Variants in CCDC134 observed in about 807,000 individuals in gnomAD.
The protein encoded by CCDC134 is coiled-coil domain containing 134.
A neutral mutation model predicts 25.6 loss-of-function variants in CCDC134; 27 were observed. The observed-to-expected ratio is 1.05, with a 90% CI of 0.78 to 1.45. The LOEUF (loss-of-function observed/expected upper bound fraction) is 1.45, where lower values mean the gene tolerates loss of function less well. CCDC134 is among the 40% of genes most tolerant of loss of function. The pLI is 0.00. For synonymous variants in CCDC134, 110 were observed against 115.0 expected (o/e 0.96, Z 0.28); for missense variants, 261 against 286.7 (o/e 0.91, Z 0.65).
chr22:41,831,997 GAA>G lies in CCDC134; in HGVS notation c.*6175_*6176del, dbSNP rs2076714644. 1 of 152,306 alleles carries G rather than the reference GAA, an allele frequency of 6.6e-6. No individual in the cohort carries two copies. The highest frequency in any genetic ancestry group is 1.9e-4 in the East Asian group (1 of 5,182). The allele number at this position is 152,306 out of a possible 1,614,324, so 9.4% of individuals were successfully genotyped here. Reference sequence around the variant, plus strand: ...AGAACAATTAACCCAAGGTCACAGTGAATTAGTGGATCCATGTGTCTGCCTCC... The same window carrying G: ...AGAACAATTAACCCAAGGTCACAGTGTTAGTGGATCCATGTGTCTGCCTCC... On this transcript the variant is annotated 3_prime_UTR_variant, in exon 7 of 7. Coordinates refer to ENST00000255784, the MANE Select transcript of CCDC134 (RefSeq NM_024821.5).
intron 2 of CCDC134, 130 bp from the exon 3 acceptor site, chr22:41,809,749 A>G: frequency 8.5e-7 from 1 of 1,172,910 alleles, no homozygotes; most frequent in South Asian, 1.5e-5. Flanking sequence ...CATTTCCTGG[A>G]GGCTTCTAGC....
In CCDC134 at chr22:41,830,750, A is replaced by G. The variant is rs1042143254; in HGVS notation, c.*4927A>G. Among the ~76,000 whole-genome samples, 2 of 152,220 alleles carry G rather than the reference A, an allele frequency of 1.3e-5. No homozygotes were observed. The highest frequency in any genetic ancestry group is 4.8e-5 in the African/African-American group (2 of 41,452). On this transcript the variant is annotated 3_prime_UTR_variant, in exon 7 of 7. Transcript: ENST00000255784. ...AATACTGAAATGCCAAAAAGAAAGT[A>G]AAATTCACTCCAAAAGTAAAATTCA... is the stretch of plus-strand genomic sequence containing the variant.
At chr22:41,823,234 T>G (rs2076660542) in intron 6 of CCDC134, among the ~76,000 whole-genome samples, 1 of 150,884 alleles carries the variant, frequency 6.6e-6, no homozygotes, top group Non-Finnish European at 1.5e-5. Context: ...TTTTTTTTTT[T>G]TTTTTTTTGA....
Position 41,825,144 on chromosome 22 carries a change from G to A in CCDC134, c.565-554G>A, listed in dbSNP as rs1313609692. On this transcript the variant is annotated intron_variant, in intron 6 of 6. Transcript: ENST00000255784. This position sits in a 1 kb window ranked among gnomAD's most constrained non-coding sequence, Gnocchi z 4.4. ...GGAAATGGAGATGCAAGTTTGAGGGGTAACTAACCACACAGGCCAACAGAA... is the reference window on the plus strand; with the variant it reads ...GGAAATGGAGATGCAAGTTTGAGGGATAACTAACCACACAGGCCAACAGAA... Among the ~76,000 whole-genome samples the A allele has an allele frequency of 1.3e-5, 2 of 152,084 alleles. No homozygotes were observed. Among genetic ancestry groups the A allele is most frequent in the Admixed American group, 6.6e-5 (1 of 15,258 alleles).
rs747784748 is a variant in CCDC134, at chr22:41,810,310, C to T, written c.310+19C>T. On this transcript the variant is annotated intron_variant, in intron 4 of 6. Coordinates refer to ENST00000255784, the MANE Select transcript of CCDC134 (RefSeq NM_024821.5). ...AAGGATGGTATGGTCTGCCCTGCCC[C>T]GCCCTGTCCTCCGCACCACCCGATC... is the stretch of plus-strand genomic sequence containing the variant. 1.2e-5 allele frequency: 19 copies of T among 1,604,770 alleles called. 1 individual carries two copies. Among genetic ancestry groups the T allele is most frequent in the Admixed American group, 6.7e-5 (4 of 59,842 alleles).
In CCDC134 at chr22:41,825,370, G is replaced by A. The variant is rs1037865742; in HGVS notation, c.565-328G>A. Among the ~76,000 whole-genome samples the A allele has an allele frequency of 7.9e-5, 12 of 151,890 alleles. No individual in the cohort carries two copies. Among genetic ancestry groups the A allele is most frequent in the African/African-American group, 2.9e-4 (12 of 41,316 alleles). ...AGGGTGCAGCAGGTGTGGGGCTCCC[G>A]GGTCTGTGGTGGTCTCAGCCACTCT... On this transcript the variant is annotated intron_variant, in intron 6 of 6. Transcript: ENST00000255784. This position sits in a 1 kb window ranked among gnomAD's most constrained non-coding sequence, Gnocchi z 4.4.
At chr22:41,808,457 C>T (rs2076578776) in intron 1 of CCDC134, among the ~76,000 whole-genome samples, 1 of 152,140 alleles carries the variant, frequency 6.6e-6, no homozygotes, top group Non-Finnish European at 1.5e-5. Context: ...ACGAGCCCCT[C>T]CTCCCCAGGC....
intron 6 of CCDC134, among the ~76,000 whole-genome samples, chr22:41,820,830 C>T (rs1434314668): frequency 2.0e-5 from 3 of 151,988 alleles, no homozygotes; most frequent in African/African-American, 4.8e-5. Flanking sequence ...ATATTTGACT[C>T]GAGACTTCAG....
rs75440668 is a variant in CCDC134 at position 41,813,322 on chromosome 22, G to A, written c.369G>A (p.Pro123=). 1,015 of 1,614,152 alleles carry A rather than the reference G, an allele frequency of 6.3e-4. 6 individuals are homozygous for A. In the African/African-American group the frequency reaches 0.012, roughly 18 times the overall value. The change falls in exon 5 of 7, where the codon CCG becomes CCA. Residue 123 remains proline (P), a synonymous_variant. Transcript: ENST00000255784. The part of the protein sequence containing the change: ...AFFGDVVLRF[P]RIVHYYFDHN... ...TCGGCGATGTGGTGCTGCGCTTCCC[G>A]AGGATTGTGCACTATTACTTTGACC...
At chr22:41,815,313 C>T (rs2076617813) in intron 6 of CCDC134, among the ~76,000 whole-genome samples, 2 of 148,656 alleles carry the variant, frequency 1.3e-5, no homozygotes, top group South Asian at 4.2e-4. Context: ...TCACGCCATT[C>T]TCCTGCCTCA....
chr22:41,803,355 T>A (rs1404175425), intron 1 of CCDC134, among the ~76,000 whole-genome samples: 1 of 152,222 alleles, frequency 6.6e-6, no homozygotes, highest in Non-Finnish European at 1.5e-5. Context: ...AGTTCATTGT[T>A]AAGTTCAATT....
intron 6 of CCDC134, among the ~76,000 whole-genome samples, chr22:41,821,615 A>C (rs1206484849): frequency 6.6e-6 from 1 of 152,066 alleles, no homozygotes; most frequent in Non-Finnish European, 1.5e-5. Context: ...TGTGGTTTCC[A>C]ATGTTAGTCC....
At chr22:41,818,234 G>T (rs139571) in intron 6 of CCDC134, among the ~76,000 whole-genome samples, 1 of 152,062 alleles carries the variant, frequency 6.6e-6, no homozygotes, top group Non-Finnish European at 1.5e-5. Context: ...TTGTAACAAC[G>T]TGTTTAAAAT....
rs2076705035 is a variant in CCDC134 at position 41,830,998 on chromosome 22, G to A, written c.*5175G>A. 4.1e-5 allele frequency among the ~76,000 whole-genome samples: 6 copies of A among 147,812 alleles called. No homozygotes were observed. In the Admixed American group the frequency reaches 4.2e-4, roughly 10 times the overall value. On this transcript the variant is annotated 3_prime_UTR_variant, in exon 7 of 7. Coordinates refer to ENST00000255784, the MANE Select transcript of CCDC134 (RefSeq NM_024821.5). The stretch of plus-strand genomic sequence containing the variant: ...CCTCCCGGGTTCAAGCAAGTCTCCT[G>A]CCTCAGCTTCCTGAGTAGCTGGGAT...
Position 41,826,476 on chromosome 22 carries a change from T to G in CCDC134, c.*653T>G, listed in dbSNP as rs1451585211. Among the ~76,000 whole-genome samples, 1 of 152,188 alleles carries G rather than the reference T, an allele frequency of 6.6e-6. No homozygotes were observed. Among genetic ancestry groups the G allele is most frequent in the East Asian group, 1.9e-4 (1 of 5,190 alleles). ...CACTGCCCTTGACAAATGATTGGTGTTGGGAAAGGACCTGGAAGTGCCCTG... is the reference window on the plus strand; with the variant it reads ...CACTGCCCTTGACAAATGATTGGTGGTGGGAAAGGACCTGGAAGTGCCCTG... On this transcript the variant is annotated 3_prime_UTR_variant, in exon 7 of 7. Coordinates refer to ENST00000255784, the MANE Select transcript of CCDC134 (RefSeq NM_024821.5).
In CCDC134 at chr22:41,828,272, C is replaced by T. The variant is rs2148324443; in HGVS notation, c.*2449C>T. Among the ~76,000 whole-genome samples, 1 of 152,274 alleles carries T rather than the reference C, an allele frequency of 6.6e-6. No individual in the cohort carries two copies. Among genetic ancestry groups the T allele is most frequent in the South Asian group, 2.1e-4 (1 of 4,828 alleles). ...TCTTCACACTCAGATCCTTGGGCCC[C>T]CCATCTCAGAATGCCCAGTGGTTGA... On this transcript the variant is annotated 3_prime_UTR_variant, in exon 7 of 7. Coordinates refer to ENST00000255784, the MANE Select transcript of CCDC134 (RefSeq NM_024821.5).
At chr22:41,806,775 C>A (rs1186549938) in intron 1 of CCDC134, among the ~76,000 whole-genome samples, 1 of 151,982 alleles carries the variant, frequency 6.6e-6, no homozygotes, top group African/African-American at 2.4e-5. Flanking sequence ...CAGCCAGGCA[C>A]GGTGGCTCAC....
At chr22:41,814,861 A>G (rs998898494) in intron 6 of CCDC134, among the ~76,000 whole-genome samples, 4 of 152,124 alleles carry the variant, frequency 2.6e-5, no homozygotes, top group African/African-American at 9.7e-5. Flanking sequence ...CTTGTTCCCT[A>G]ACTCCCACGG....
At chr22:41,820,556 T>C (rs1440969835) in intron 6 of CCDC134, among the ~76,000 whole-genome samples, 1 of 152,184 alleles carries the variant, frequency 6.6e-6, no homozygotes, top group African/African-American at 2.4e-5. Context: ...TGGCAGTTGA[T>C]AGTGGCTTGA....
Sources: gnomAD v4.1 joint callset for allele counts (sites outside exome capture counted in the v4.1 genomes callset) on GRCh38, gnomAD v4.1.1 for gene constraint, Gnocchi (gnomAD v3.1) non-coding constraint, MANE v1.5 for transcripts, NCBI Gene and HGNC (gene_info 2026-07-23, HGNC 2026-07-21) for gene names.